RIPOR2: variants seen among roughly 807,000 people sequenced by gnomAD.
RIPOR2 encodes RHO family interacting cell polarization regulator 2.
A neutral mutation model predicts 114.5 loss-of-function variants in RIPOR2; 39 were observed. That is an observed-to-expected ratio of 0.34 (90% CI 0.26 to 0.44). The LOEUF (loss-of-function observed/expected upper bound fraction) is 0.44, where lower values mean the gene tolerates loss of function less well. RIPOR2 is among the 20% of genes least tolerant of loss of function. The pLI is 1.00. For missense variants in RIPOR2, 1,007 were observed against 1,255.1 expected, an observed-to-expected ratio of 0.80 and a Z score of 2.99; for synonymous variants, 445 against 484.4, an observed-to-expected ratio of 0.92 and a Z score of 1.07.
At chr6:24,927,946 A>G (rs1161349711) in intron 1 of RIPOR2, among the ~76,000 whole-genome samples, 1 of 152,250 alleles carries the variant, frequency 6.6e-6, no homozygotes, top group African/African-American at 2.4e-5. Flanking sequence ...AAAGTACCCA[A>G]TACAGCAATA....
chr6:24,901,476 C>T (rs1350521825), intron 1 of RIPOR2, among the ~76,000 whole-genome samples: 3 of 152,180 alleles, frequency 2.0e-5, no homozygotes, highest in Non-Finnish European at 2.9e-5. Context: ...AGAAACACCA[C>T]GTGCCATTTC....
intron 1 of RIPOR2, among the ~76,000 whole-genome samples, chr6:24,921,665 T>G (rs1770508941): frequency 8.3e-6 from 1 of 120,232 alleles, no homozygotes; most frequent in African/African-American, 3.0e-5. Flanking sequence ...CCCCCGACCC[T>G]GATGTACTGT....
rs1036383490 is a variant in RIPOR2, at chr6:24,955,382, G to T, written c.77-79565C>A. On this transcript the variant is annotated intron_variant, in intron 1 of 13. Coordinates refer to the RIPOR2 transcript ENST00000510784. ...ATCTGTCTCCATATCCTAGACCGGG[G>T]CATCTGAGCCCTGGGGGACAGAAGG... Among the ~76,000 whole-genome samples, 4 of 152,190 alleles carry T rather than the reference G, an allele frequency of 2.6e-5. No individual in the cohort carries two copies. The South Asian group carries it at 6.2e-4, about 24-fold the overall frequency.
chr6:24,910,635 C>G lies in RIPOR2; in HGVS notation c.61+25203G>C, dbSNP rs556967753. The G allele has an allele frequency of 7.8e-5, 14 of 179,968 alleles. No individual in the cohort carries two copies. In the South Asian group the frequency reaches 2.4e-3, roughly 31 times the overall value. 11.1% of individuals were successfully genotyped at this position (179,968 alleles called of 1,614,324 possible). ...CCCTTTCGCTCAGCAACTTCCCGAC[C>G]GTACCCTGTGGGCTTCAGATGCCCG... On this transcript the variant is annotated intron_variant, in intron 1 of 21. Coordinates refer to ENST00000643898, the MANE Select transcript of RIPOR2 (RefSeq NM_001286445.3).
At chr6:24,876,053 G>A (rs1380370558) in intron 1 of RIPOR2, among the ~76,000 whole-genome samples, 1 of 152,130 alleles carries the variant, frequency 6.6e-6, no homozygotes, top group Non-Finnish European at 1.5e-5. Flanking sequence ...CACTTTGGGA[G>A]GCCGAGGCAG....
intron 16 of RIPOR2, among the ~76,000 whole-genome samples, chr6:24,831,074 G>T (rs934992012): frequency 6.6e-6 from 1 of 151,938 alleles, no homozygotes; most frequent in Non-Finnish European, 1.5e-5. Flanking sequence ...TATGTGGGGG[G>T]TCTTTAGGGA....
chr6:24,927,553 T>C (rs1010686920), intron 1 of RIPOR2, among the ~76,000 whole-genome samples: 1 of 151,338 alleles, frequency 6.6e-6, no homozygotes, highest in Non-Finnish European at 1.5e-5. Flanking sequence ...ATGATTATTA[T>C]CATCATCACC....
At chr6:24,980,743 T>C (rs1774252260) in intron 1 of RIPOR2, among the ~76,000 whole-genome samples, 1 of 152,158 alleles carries the variant, frequency 6.6e-6, no homozygotes. Context: ...TGGGCATTGG[T>C]GCTTTGCTCC....
chr6:24,935,317 C>CAAAAAAAAAAAAA (rs1249173537), intron 1 of RIPOR2, among the ~76,000 whole-genome samples: 1 of 79,738 alleles, frequency 1.3e-5, no homozygotes, highest in Non-Finnish European at 2.7e-5. Context: ...CAAAAAACAA[C>CAAAAAAAAAAAAA]AACAAAAAAA....
intron 1 of RIPOR2, among the ~76,000 whole-genome samples, chr6:25,029,328 G>T (rs187854833): frequency 1.2e-4 from 18 of 149,778 alleles, no homozygotes; most frequent in Admixed American, 8.0e-4. Flanking sequence ...CGTGAACCCG[G>T]GAGGCGGAGC....
chr6:24,917,833 T>C (rs1770196730), intron 1 of RIPOR2, among the ~76,000 whole-genome samples: 1 of 152,194 alleles, frequency 6.6e-6, no homozygotes, highest in South Asian at 2.1e-4. Context: ...CCAGCTGTAG[T>C]AGGCTTTTTT....
At chr6:24,950,856 AT>A (rs1772714413) in intron 1 of RIPOR2, among the ~76,000 whole-genome samples, 1 of 152,056 alleles carries the variant, frequency 6.6e-6, no homozygotes, top group Non-Finnish European at 1.5e-5. Flanking sequence ...CAAATCTTTT[AT>A]TTTCTCTGCT....
intron 1 of RIPOR2, among the ~76,000 whole-genome samples, chr6:24,882,362 A>G (rs1166608321): frequency 6.6e-6 from 1 of 152,230 alleles, no homozygotes; most frequent in Admixed American, 6.5e-5. Flanking sequence ...CCTCCTTTCA[A>G]CATCTGCCAG....
At chr6:24,885,456 T>A (rs1766746559) in intron 1 of RIPOR2, among the ~76,000 whole-genome samples, 1 of 152,164 alleles carries the variant, frequency 6.6e-6, no homozygotes, top group Non-Finnish European at 1.5e-5. Flanking sequence ...ACTCCTGGGC[T>A]CAAGCAATCC....
rs773672812 is a variant in RIPOR2 at position 24,858,584 on chromosome 6, C to T, written c.715+2389G>A. ...CCATGGGGGTGTTTACCATTGAAAG[C>T]CTTCACAGATGTAGTTTCTGAGTTT... is the stretch of plus-strand genomic sequence containing the variant. On this transcript the variant is annotated intron_variant, in intron 8 of 21. Coordinates refer to ENST00000643898, the MANE Select transcript of RIPOR2 (RefSeq NM_001286445.3). The surrounding 1 kb of genome is among the most constrained non-coding windows in gnomAD (Gnocchi z 4.0). Among the ~76,000 whole-genome samples, 3 of 152,072 alleles carry T rather than the reference C, an allele frequency of 2.0e-5. No homozygotes were observed. The highest frequency in any genetic ancestry group is 4.4e-5 in the Non-Finnish European group (3 of 68,012).
Position 24,947,533 on chromosome 6 carries a change from G to A in RIPOR2, c.77-71716C>T, listed in dbSNP as rs958663171. On this transcript the variant is annotated intron_variant, in intron 1 of 13. Transcript: ENST00000510784. Reference sequence around the variant, plus strand: ...GAAAAGAAAACGTGTCCTGTGGACCGAATTATGGAACGGTCCTGCTCAGGA... The same window carrying A: ...GAAAAGAAAACGTGTCCTGTGGACCAAATTATGGAACGGTCCTGCTCAGGA... 2.0e-5 allele frequency among the ~76,000 whole-genome samples: 3 copies of A among 152,204 alleles called. No individual in the cohort carries two copies. The South Asian group carries it at 6.2e-4, about 31-fold the overall frequency.
At chr6:24,981,694 C>T (rs1360894092) in intron 1 of RIPOR2, among the ~76,000 whole-genome samples, 1 of 152,168 alleles carries the variant, frequency 6.6e-6, no homozygotes, top group African/African-American at 2.4e-5. Flanking sequence ...CATCCAGGGT[C>T]GAATTCCTAC....
intron 8 of RIPOR2, 96 bp from the exon 9 acceptor site, chr6:24,852,714 G>T: frequency 1.1e-6 from 1 of 943,968 alleles, no homozygotes; most frequent in Non-Finnish European, 1.5e-6. Context: ...TGAAGTGTCA[G>T]AACTTTGTGC....
intron 1 of RIPOR2, among the ~76,000 whole-genome samples, chr6:24,995,927 C>A (rs1775025648): frequency 6.6e-6 from 1 of 151,878 alleles, no homozygotes; most frequent in African/African-American, 2.4e-5. Context: ...CTCAGCCTCC[C>A]TAGGAGCTGG....
Sources: gnomAD v4.1 joint callset for allele counts (sites outside exome capture counted in the v4.1 genomes callset) on GRCh38, gnomAD v4.1.1 for gene constraint, Gnocchi (gnomAD v3.1) non-coding constraint, MANE v1.5 for transcripts, NCBI Gene and HGNC (gene_info 2026-07-23, HGNC 2026-07-21) for gene names.